The following CC2D2A variants were observed in gnomAD, a reference collection of about 807,000 sequenced individuals.
CC2D2A encodes the protein coiled-coil and C2 domain containing 2A.
A neutral mutation model predicts 212.9 loss-of-function variants in CC2D2A; 155 were observed. The ratio of observed to expected loss-of-function variants is 0.73; its 90% CI spans 0.64 to 0.83. CC2D2A has a LOEUF of 0.83. CC2D2A is among the 40% of genes least tolerant of loss of function. The pLI, the probability that CC2D2A is intolerant of heterozygous loss-of-function variation, is 0.00. For synonymous variants in CC2D2A, 667 were observed against 686.5 expected (o/e 0.97, Z 0.44); for missense variants, 1,856 against 1,956.2 (o/e 0.95, Z 0.97).
At chr4:15,503,962 G>T (rs1202181751) in intron 6 of CC2D2A, among the ~76,000 whole-genome samples, 8 of 152,182 alleles carry the variant, frequency 5.3e-5, no homozygotes, top group Non-Finnish European at 1.2e-4. Flanking sequence ...TAAGCGCTAA[G>T]ACGGCAGAAA....
At chr4:15,547,849 G>A (rs947257548) in intron 17 of CC2D2A, among the ~76,000 whole-genome samples, 1 of 151,984 alleles carries the variant, frequency 6.6e-6, no homozygotes, top group Non-Finnish European at 1.5e-5. Context: ...AGACCAGTCT[G>A]GCCAACATGC....
rs763921042 is a variant in CC2D2A, at chr4:15,515,956, A to G, written c.969A>G (p.Ala323=). 5 of 1,580,282 alleles carry G rather than the reference A, an allele frequency of 3.2e-6. No individual in the cohort carries two copies. Among genetic ancestry groups the G allele is most frequent in the East Asian group, 4.6e-5 (2 of 43,106 alleles). ...GLYTGVRPEV[A]RTNQNIMENR... ...ACACCGGGGTAAGACCAGAGGTGGC[A>G]CGCACCAATCAGAACATCATGGAGA... Residue 323 remains alanine (A), a synonymous_variant, in exon 10 of 37, where the codon GCA becomes GCG. Transcript: ENST00000424120.
At chr4:15,524,213 A>C (rs1421655810) in intron 11 of CC2D2A, among the ~76,000 whole-genome samples, 1 of 151,990 alleles carries the variant, frequency 6.6e-6, no homozygotes, top group Non-Finnish European at 1.5e-5. Flanking sequence ...GGCTCACTGC[A>C]ACCTCCGCCT....
At chr4:15,600,437 T>C (rs1377340331) in intron 36 of CC2D2A, among the ~76,000 whole-genome samples, 1 of 152,166 alleles carries the variant, frequency 6.6e-6, no homozygotes, top group Non-Finnish European at 1.5e-5. Context: ...TGAGACTGGG[T>C]TTCCTCATGG....
chr4:15,535,222 G>C (rs1718062098), intron 14 of CC2D2A, among the ~76,000 whole-genome samples: 1 of 152,032 alleles, frequency 6.6e-6, no homozygotes, highest in Non-Finnish European at 1.5e-5. Flanking sequence ...CCATCTCCTA[G>C]GCTGAGCCTC....
At chr4:15,542,784 T>A (rs1718526962) in intron 17 of CC2D2A, among the ~76,000 whole-genome samples, 1 of 152,176 alleles carries the variant, frequency 6.6e-6, no homozygotes, top group African/African-American at 2.4e-5. Context: ...CAGGGTCCTG[T>A]TCCCAAGCTG....
In CC2D2A at chr4:15,483,353, T is replaced by G. The variant is rs372122085; in HGVS notation, c.247+2526T>G. 7.9e-5 allele frequency among the ~76,000 whole-genome samples: 12 copies of G among 152,220 alleles called. No homozygotes were observed. In the East Asian group the frequency reaches 2.1e-3, roughly 27 times the overall value. ...ATGGGGAACTGTAGGGTGAGGAGGA[T>G]TCCCAATTCAGGTCTTGGAAACACA... On this transcript the variant is annotated intron_variant, in intron 4 of 36. Transcript: ENST00000424120.
intron 11 of CC2D2A, among the ~76,000 whole-genome samples, chr4:15,524,530 A>C (rs1215810023): frequency 6.9e-6 from 1 of 144,682 alleles, no homozygotes; most frequent in African/African-American, 2.6e-5. Context: ...GGCTCACTGC[A>C]AGCTCCGCCT....
intron 22 of CC2D2A, 33 bp from the exon 23 acceptor site, chr4:15,560,498 T>C (rs755077254): frequency 1.6e-5 from 18 of 1,146,388 alleles, no homozygotes; most frequent in Admixed American, 1.0e-4. Context: ...GTTTAAATAA[T>C]AACATTTTAA....
rs1171025712 is a variant in CC2D2A at position 15,527,601 on chromosome 4, A to C, written c.1304A>C (p.Tyr435Ser). ...TTGGCAGCCAAGCTGGCCCAGTTATATGACCAGTACCTTGCAAGACACCAG... is the reference window on the plus strand; with the variant it reads ...TTGGCAGCCAAGCTGGCCCAGTTATCTGACCAGTACCTTGCAAGACACCAG... ...HVLAAKLAQL[Y>S]DQYLARHQRN... Residue 435 changes from tyrosine (Y) to serine (S), a missense_variant, in exon 12 of 37, where the codon TAT becomes TCT. By Grantham distance (144) the Tyr-to-Ser change is moderately radical. Around this residue, in one of 5 missense-constraint regions of CC2D2A, gnomAD observed 1,512 missense variants for 1,579.3 expected, o/e 0.96. Transcript: ENST00000424120. The C allele has an allele frequency of 6.2e-7, 1 of 1,613,144 alleles. No individual in the cohort carries two copies. The highest frequency in any genetic ancestry group is 1.3e-5 in the African/African-American group (1 of 74,930).
At chr4:15,529,947 G>A (rs536163854) in intron 13 of CC2D2A, among the ~76,000 whole-genome samples, 167 of 150,208 alleles carry the variant, frequency 1.1e-3, no homozygotes, top group Non-Finnish European at 2.0e-3. Flanking sequence ...CAACGTGCAG[G>A]TTTGTTACAT....
At chr4:15,595,858 C>T (rs1478978160) in intron 33 of CC2D2A, 6 of 336,012 alleles carry the variant, frequency 1.8e-5, no homozygotes, top group Non-Finnish European at 2.7e-5. Flanking sequence ...AAGGTACACC[C>T]CCAACTTCAG....
At chr4:15,470,804 T>C (rs5010781) in intron 1 of CC2D2A, among the ~76,000 whole-genome samples, 146,417 of 150,460 alleles carry the variant, frequency 0.97, 71,263 homozygotes, top group East Asian at 1. Context: ...AGGCAATGAA[T>C]TTAAGTTTAG....
At chr4:15,500,461 G>A (rs1715882242) in intron 4 of CC2D2A, among the ~76,000 whole-genome samples, 1 of 152,078 alleles carries the variant, frequency 6.6e-6, no homozygotes. Flanking sequence ...TTAAAAGAAT[G>A]CCAAAGGCCA....
chr4:15,512,349 T>C (rs758609383), intron 8 of CC2D2A, among the ~76,000 whole-genome samples: 1 of 152,108 alleles, frequency 6.6e-6, no homozygotes, highest in Non-Finnish European at 1.5e-5. Context: ...AACATAAATA[T>C]ACAATGGAAT....
intron 4 of CC2D2A, among the ~76,000 whole-genome samples, chr4:15,500,129 AT>A: frequency 7.1e-6 from 1 of 141,356 alleles, no homozygotes; most frequent in East Asian, 2.0e-4. Context: ...ATATATATAT[AT>A]ATGTATTTTT....
At chr4:15,572,080 T>C (rs776118569) in intron 28 of CC2D2A, among the ~76,000 whole-genome samples, 12 of 152,194 alleles carry the variant, frequency 7.9e-5, no homozygotes, top group Non-Finnish European at 1.8e-4. Context: ...TTCAATTCTC[T>C]GGAGCCACAC....
intron 4 of CC2D2A, among the ~76,000 whole-genome samples, chr4:15,486,918 G>A (rs1425239235): frequency 6.6e-6 from 1 of 151,808 alleles, no homozygotes; most frequent in Non-Finnish European, 1.5e-5. Context: ...TTGTTCTGGA[G>A]TGTATTGTTT....
rs1286014397 is a variant in CC2D2A, at chr4:15,511,300, C to T, written c.594C>T (p.Asn198=). The change falls in exon 8 of 37, where the codon AAC becomes AAT. Residue 198 remains asparagine (N), a synonymous_variant. Transcript: ENST00000424120. The stretch of plus-strand genomic sequence containing the variant: ...AGGCCTATAACTTCTTTACTTTCAA[C>T]TTTGATCCCGAACCAGAAGGATCAG... ...AEEAYNFFTF[N]FDPEPEGSEE... The T allele has an allele frequency of 6.2e-7, 1 of 1,601,368 alleles. No homozygotes were observed. The highest frequency in any genetic ancestry group is 8.5e-7 in the Non-Finnish European group (1 of 1,175,102).
Sources: allele counts gnomAD v4.1 joint callset (sites outside exome capture counted in the v4.1 genomes callset), GRCh38; gene constraint gnomAD v4.1.1; regional missense constraint gnomAD v4.1.1; transcripts MANE v1.5; gene names NCBI Gene and HGNC (gene_info 2026-07-23, HGNC 2026-07-21).